The following TET2 variants were observed in gnomAD, a reference collection of about 807,000 sequenced individuals.
TET2 encodes the protein tet methylcytosine dioxygenase 2.
In TET2, 299 loss-of-function variants were observed where a neutral mutation model predicts 142.9. The ratio of observed to expected loss-of-function variants is 2.09; its 90% CI spans 1.90 to 2.30. The LOEUF is 2.30. Ranked by LOEUF, TET2 falls within the 30% of genes most tolerant of loss-of-function variation. TET2 has a pLI of 0.00. For synonymous variants in TET2, 819 were observed against 849.0 expected, an observed-to-expected ratio of 0.96 and a Z score of 0.61; for missense variants, 2,418 against 2,378.0, an observed-to-expected ratio of 1.02 and a Z score of -0.35.
At position 105,269,719 on chromosome 4, in the gene TET2, T is replaced by A. The variant is rs2110301020; in HGVS notation, c.4154T>A (p.Leu1385Ter). Residue 1385 changes from leucine (L) to a stop codon, truncating the protein, a stop_gained, in exon 9 of 11, where the codon TTG (leucine) becomes TAG (stop). Transcript: ENST00000380013. LOFTEE classifies it high-confidence loss of function. ...TTCTGTGCTCATGCCCACAGAGACT[T>A]GCACAACATGCAGAATGGCAGCACA... ...LDFCAHAHRD[L>*]HNMQNGSTLV... 6.4e-7 allele frequency: 1 copy of A among 1,551,652 alleles called. No homozygotes were observed. The highest frequency in any genetic ancestry group is 8.7e-7 in the Non-Finnish European group (1 of 1,146,944).
chr4:105,215,803 A>G (rs17035344), intron 2 of TET2, among the ~76,000 whole-genome samples: 4,319 of 152,216 alleles, frequency 0.028, 228 homozygotes, highest in African/African-American at 0.098. Context: ...TTTGATTTCA[A>G]CCAGAATGCC....
Position 105,199,314 on chromosome 4 carries a change from G to A in TET2, c.-47+8809G>A, listed in dbSNP as rs192944836. Among the ~76,000 whole-genome samples, 178 of 152,102 alleles carry A rather than the reference G, an allele frequency of 1.2e-3. 1 individual carries two copies. The highest frequency in any genetic ancestry group is 3.9e-3 in the African/African-American group (161 of 41,508). ...CACTTGCTTTTTTGATAGTAAGAGCGTACGATTTAATCACATTGAAGTTAG... is the reference window on the plus strand; with the variant it reads ...CACTTGCTTTTTTGATAGTAAGAGCATACGATTTAATCACATTGAAGTTAG... On this transcript the variant is annotated intron_variant, in intron 2 of 10. Transcript: ENST00000380013.
At position 105,196,962 on chromosome 4, in the gene TET2, A is replaced by G. The variant is rs1282533243; in HGVS notation, c.-47+6457A>G. ...TCTTCCTACTTCTTAAAATAGATAC[A>G]GCACTTGCCCACTAAGTGGAGGGAA... On this transcript the variant is annotated intron_variant, in intron 2 of 10. Transcript: ENST00000380013. 4.6e-5 allele frequency among the ~76,000 whole-genome samples: 7 copies of G among 152,200 alleles called. No individual in the cohort carries two copies. In the East Asian group the frequency reaches 1.3e-3, roughly 29 times the overall value.
In TET2 at chr4:105,235,518, C is replaced by T. The variant is rs1560543626; in HGVS notation, c.1576C>T (p.Gln526Ter). The T allele has an allele frequency of 1.2e-6, 2 of 1,614,138 alleles. No homozygotes were observed. Among genetic ancestry groups the T allele is most frequent in the Non-Finnish European group, 1.7e-6 (2 of 1,180,006 alleles). ...AATTTTTGGTAGCAGTGGAGAGCTA[C>T]AGGACAACTGCCAGCAGTTGATGAG... is the stretch of plus-strand genomic sequence containing the variant. ...PPIFGSSGELQDNCQQLMRNK... is the reference protein window; with the variant it reads ...PPIFGSSGEL The change falls in exon 3 of 11, where the codon CAG becomes TAG. Residue 526 changes from glutamine (Q) to a stop codon, truncating the protein, a stop_gained. Transcript: ENST00000380013. LOFTEE classifies it high-confidence loss of function.
chr4:105,196,751 T>C (rs1726118682), intron 2 of TET2, among the ~76,000 whole-genome samples: 1 of 152,184 alleles, frequency 6.6e-6, no homozygotes, highest in African/African-American at 2.4e-5. Context: ...TAGTCATTTG[T>C]TTATGCTTGT....
intron 2 of TET2, among the ~76,000 whole-genome samples, chr4:105,210,809 T>C (rs1727113898): frequency 6.6e-6 from 1 of 152,188 alleles, no homozygotes; most frequent in East Asian, 1.9e-4. Context: ...ATTCTCTAGT[T>C]CAGGACATTC....
intron 1 of TET2, among the ~76,000 whole-genome samples, chr4:105,171,096 T>C (rs879340070): frequency 5.3e-5 from 8 of 152,186 alleles, no homozygotes; most frequent in Non-Finnish European, 8.8e-5. Flanking sequence ...GTGTTTTGAG[T>C]GCAGTTTTCT....
intron 8 of TET2, among the ~76,000 whole-genome samples, chr4:105,262,914 G>A (rs905634148): frequency 1.3e-5 from 2 of 151,744 alleles, no homozygotes; most frequent in Non-Finnish European, 2.9e-5. Context: ...TTAACTGGGT[G>A]CGGTAGTTTA....
chr4:105,192,041 A>T (rs1025499729), intron 2 of TET2, among the ~76,000 whole-genome samples: 1 of 152,100 alleles, frequency 6.6e-6, no homozygotes, highest in Admixed American at 6.6e-5. Flanking sequence ...GTGACTACTC[A>T]TTCTGCTCTT....
At chr4:105,264,461 C>T (rs955269295) in intron 8 of TET2, among the ~76,000 whole-genome samples, 1 of 152,114 alleles carries the variant, frequency 6.6e-6, no homozygotes, top group African/African-American at 2.4e-5. Flanking sequence ...GGCAGAATAA[C>T]AAAGCATTGA....
intron 10 of TET2, among the ~76,000 whole-genome samples, chr4:105,274,481 C>CTTAT (rs1227862812): frequency 1.3e-5 from 2 of 152,098 alleles, no homozygotes; most frequent in East Asian, 3.9e-4. Context: ...CATAATAAAT[C>CTTAT]TTATTTTAAT....
intron 3 of TET2, chr4:105,240,516 G>A (rs1023058556): frequency 4.8e-5 from 52 of 1,077,942 alleles, no homozygotes; most frequent in East Asian, 1.5e-4. Context: ...TGACCTACCC[G>A]TGCCATGTTT....
chr4:105,276,010 C>G lies in TET2; in HGVS notation c.5500C>G (p.Gln1834Glu). The G allele has an allele frequency of 3.2e-6, 5 of 1,551,678 alleles. No individual in the cohort carries two copies. Among genetic ancestry groups the G allele is most frequent in the Non-Finnish European group, 4.4e-6 (5 of 1,146,984 alleles). Reference sequence around the variant, plus strand: ...GGAAAAGCAGCCATTGGCACTAGTCCAGGGTGTGGCTTCTGGTGCAGAGGA... The same window carrying G: ...GGAAAAGCAGCCATTGGCACTAGTCGAGGGTGTGGCTTCTGGTGCAGAGGA... ...GQEKQPLALV[Q>E]GVASGAEDND... The change falls in exon 11 of 11, where the codon CAG becomes GAG. Residue 1834 changes from glutamine to glutamate, a missense_variant. By Grantham distance (29) the Gln-to-Glu change is conservative (BLOSUM62 2). Coordinates refer to ENST00000380013, the MANE Select transcript of TET2 (RefSeq NM_001127208.3).
At chr4:105,261,718 G>A (rs1288482721) in intron 7 of TET2, 41 bp from the exon 8 acceptor site, 1 of 1,249,722 alleles carries the variant, frequency 8.0e-7, no homozygotes, top group Admixed American at 2.2e-5. Context: ...TAGAGAAAAT[G>A]GACTTAGAAT....
intron 1 of TET2, among the ~76,000 whole-genome samples, chr4:105,156,721 G>A (rs142174041): frequency 2.6e-5 from 4 of 152,212 alleles, no homozygotes; most frequent in South Asian, 2.1e-4. Context: ...TATTCCTCCC[G>A]TTTTTCTTAC....
chr4:105,272,803 T>C lies in TET2; in HGVS notation c.4422T>C (p.Ala1474=). 2 of 1,551,634 alleles carry C rather than the reference T, an allele frequency of 1.3e-6. No homozygotes were observed. Among genetic ancestry groups the C allele is most frequent in the Non-Finnish European group, 8.7e-7 (1 of 1,146,970 alleles). ...CRQRKLEAKK[A]AAEKLSSLEN... The stretch of plus-strand genomic sequence containing the variant: ...AAAGGAAACTAGAAGCCAAGAAAGC[T>C]GCAGCTGAAAAGCTTTCCTCCCTGG... Residue 1474 remains alanine (A), a synonymous_variant, in exon 10 of 11, where the codon GCT becomes GCC. Coordinates refer to ENST00000380013, the MANE Select transcript of TET2 (RefSeq NM_001127208.3).
At chr4:105,274,355 G>C (rs1456269555) in intron 10 of TET2, among the ~76,000 whole-genome samples, 1 of 152,170 alleles carries the variant, frequency 6.6e-6, no homozygotes, top group African/African-American at 2.4e-5. Context: ...ATCTACAACT[G>C]TGTTAACTTC....
chr4:105,204,215 C>CAA (rs531909233), intron 2 of TET2, among the ~76,000 whole-genome samples: 22 of 97,350 alleles, frequency 2.3e-4, no homozygotes, highest in East Asian at 5.8e-4. Context: ...AAAAACAAAC[C>CAA]AAAAAAAAAA....
At chr4:105,184,702 A>G (rs1203808905) in intron 1 of TET2, among the ~76,000 whole-genome samples, 1 of 151,228 alleles carries the variant, frequency 6.6e-6, no homozygotes, top group African/African-American at 2.4e-5. Context: ...TACAGTTGGA[A>G]TCATTTACTT....
Sources: allele counts gnomAD v4.1 joint callset (sites outside exome capture counted in the v4.1 genomes callset), GRCh38; gene constraint gnomAD v4.1.1; transcripts MANE v1.5; gene names NCBI Gene and HGNC (gene_info 2026-07-23, HGNC 2026-07-21).